Variants in NMT2 observed in about 807,000 individuals in gnomAD.
The protein encoded by NMT2 is glycylpeptide N-tetradecanoyltransferase 2.
A neutral mutation model predicts 65.4 loss-of-function variants in NMT2; 35 were observed. That is an observed-to-expected ratio of 0.54 (90% CI 0.41 to 0.71). The LOEUF (loss-of-function observed/expected upper bound fraction) is 0.71. Among genes scored for constraint, NMT2 ranks in the 30% least tolerant of loss-of-function variants. The probability of loss-of-function intolerance (pLI) is 0.00; values close to 1 mark genes in which losing one functional copy is unlikely to be tolerated. For synonymous variants in NMT2, 226 were observed against 231.8 expected (o/e 0.98, Z 0.23); for missense variants, 489 against 611.3 (o/e 0.80, Z 2.11).
At chr10:15,136,261 A>AAAGGG (rs1190998681) in intron 2 of NMT2, among the ~76,000 whole-genome samples, 12 of 144,592 alleles carry the variant, frequency 8.3e-5, no homozygotes, top group African/African-American at 2.3e-4. Context: ...AAGGGAAGGG[A>AAAGGG]AAGGGAAGGG....
At chr10:15,162,919 T>C (rs1209959541) in intron 1 of NMT2, among the ~76,000 whole-genome samples, 1 of 149,954 alleles carries the variant, frequency 6.7e-6, no homozygotes, top group Non-Finnish European at 1.5e-5. Flanking sequence ...TATATACATA[T>C]AAGAGAGAGA....
At chr10:15,168,098 G>A (rs1187412968) in intron 1 of NMT2, among the ~76,000 whole-genome samples, 1 of 152,180 alleles carries the variant, frequency 6.6e-6, no homozygotes, top group African/African-American at 2.4e-5. Context: ...GAGCAGAGGA[G>A]GGCGACCTCC....
intron 1 of NMT2, among the ~76,000 whole-genome samples, chr10:15,157,866 T>C (rs984541124): frequency 6.6e-5 from 10 of 152,246 alleles, no homozygotes; most frequent in African/African-American, 2.4e-4. Flanking sequence ...ATTACTCTTA[T>C]TGAGAGTCCA....
chr10:15,105,705 T>C (rs966539382), downstream of NMT2, among the ~76,000 whole-genome samples: 2 of 152,208 alleles, frequency 1.3e-5, no homozygotes, highest in Non-Finnish European at 2.9e-5. Context: ...CCTTATTGAA[T>C]AGAACATTTT....
intron 9 of NMT2, among the ~76,000 whole-genome samples, chr10:15,118,399 C>A (rs780153031): frequency 2.6e-5 from 4 of 152,112 alleles, no homozygotes; most frequent in African/African-American, 4.8e-5. Flanking sequence ...ATTAGCCGGG[C>A]ATGGTGGCGC....
In NMT2 at chr10:15,157,433, C is replaced by T. The variant is rs138425712; in HGVS notation, c.110+11070G>A. Among the ~76,000 whole-genome samples, 823 of 152,238 alleles carry T rather than the reference C, an allele frequency of 5.4e-3. 7 individuals are homozygous for T. Among genetic ancestry groups the T allele is most frequent in the Middle Eastern group, 0.017 (5 of 294 alleles). On this transcript the variant is annotated intron_variant, in intron 1 of 11. Coordinates refer to ENST00000378165, the MANE Select transcript of NMT2 (RefSeq NM_004808.3). ...GGTACCTCCCGGCAGCGCTTTCACC[C>T]AGGAGATGAAAAACCAGATTCCGTG... is the stretch of plus-strand genomic sequence containing the variant.
chr10:15,113,324 G>A (rs564409854), intron 9 of NMT2, among the ~76,000 whole-genome samples: 1 of 151,832 alleles, frequency 6.6e-6, no homozygotes, highest in East Asian at 1.9e-4. Context: ...TGAAAACTTA[G>A]CCAGGTGTGG....
Position 15,141,432 on chromosome 10 carries a change from T to A in NMT2, c.236A>T (p.Gln79Leu). ...AAACAGAGCTCTCACTTTCGAAGGC[T>A]GCTGAATTTTAATCTCCTGGGAATC... is the stretch of plus-strand genomic sequence containing the variant. ...ASDSQEIKIQ[Q>L]PSKNPSVPMQ... Residue 79 changes from glutamine (Q) to leucine (L), a missense_variant, in exon 2 of 12, where the codon CAG becomes CTG. By Grantham distance (113) the Gln-to-Leu change is moderately radical (BLOSUM62 -2). Coordinates refer to ENST00000378165, the MANE Select transcript of NMT2 (RefSeq NM_004808.3). The A allele has an allele frequency of 1.9e-6, 3 of 1,614,150 alleles. No individual in the cohort carries two copies. The highest frequency in any genetic ancestry group is 1.6e-4 in the Middle Eastern group (1 of 6,062).
At chr10:15,166,828 G>A (rs1225002824) in intron 1 of NMT2, among the ~76,000 whole-genome samples, 2 of 152,148 alleles carry the variant, frequency 1.3e-5, no homozygotes, top group East Asian at 3.8e-4. Context: ...AAGGTGTCGG[G>A]GGACAGGCTC....
rs1355456740 is a variant in NMT2, at chr10:15,136,441, G to A, written c.247-1023C>T. Among the ~76,000 whole-genome samples, 4 of 131,588 alleles carry A rather than the reference G, an allele frequency of 3.0e-5. No individual in the cohort carries two copies. In the East Asian group the frequency reaches 1.1e-3, roughly 36 times the overall value. The allele number at this position is 131,588 out of a possible 152,430, so 86.3% of individuals were successfully genotyped here. A position where few individuals can be genotyped will look rare whatever the true frequency, so the allele number is the denominator to read the frequency against. ...AGAGGGAGGAAGGAGGAAGGAGAGG[G>A]ACAGGGGGAGGAGGGAGGGAGAGAG... On this transcript the variant is annotated intron_variant, in intron 2 of 11. Transcript: ENST00000378165.
chr10:15,112,999 T>C, intron 9 of NMT2, 36 bp from the exon 10 acceptor site: 1 of 1,589,046 alleles, frequency 6.3e-7, no homozygotes, highest in Non-Finnish European at 8.6e-7. Context: ...GAGATCTCCT[T>C]GAACCAACTG....
chr10:15,126,428 TAAAA>T (rs542212016), intron 8 of NMT2, among the ~76,000 whole-genome samples: 19 of 130,540 alleles, frequency 1.5e-4, no homozygotes, highest in African/African-American at 2.3e-4. Flanking sequence ...GCCTCCATCT[TAAAA>T]AAAAAAAAAA....
chr10:15,152,053 T>C (rs547756243), intron 1 of NMT2, among the ~76,000 whole-genome samples: 70 of 152,106 alleles, frequency 4.6e-4, no homozygotes, highest in Middle Eastern at 6.8e-3. Context: ...AAAACAGAAG[T>C]TGTAATACTC....
intron 6 of NMT2, among the ~76,000 whole-genome samples, chr10:15,130,720 A>AAAAAAAAG (rs1846251576): frequency 6.7e-6 from 1 of 150,080 alleles, no homozygotes; most frequent in Admixed American, 6.6e-5. Flanking sequence ...AAAAAAAAAA[A>AAAAAAAAG]AAAAAAAGAA....
chr10:15,149,350 C>G (rs1156248515), intron 1 of NMT2, among the ~76,000 whole-genome samples: 1 of 152,164 alleles, frequency 6.6e-6, no homozygotes, highest in Non-Finnish European at 1.5e-5. Context: ...TCACCACCAT[C>G]ATCACCATTA....
chr10:15,141,384 G>C, intron 2 of NMT2, 38 bp downstream of exon 2: 1 of 1,611,618 alleles, frequency 6.2e-7, no homozygotes. Flanking sequence ...TCATGCACGA[G>C]AAACCACACA....
At chr10:15,112,619 C>T (rs572979100) in intron 10 of NMT2, among the ~76,000 whole-genome samples, 177 bp downstream of exon 10, 1 of 152,132 alleles carries the variant, frequency 6.6e-6, no homozygotes, top group South Asian at 2.1e-4. Flanking sequence ...TGAAAATAGC[C>T]TCTAAAGTTT....
At chr10:15,156,962 A>G (rs1833024121) in intron 1 of NMT2, among the ~76,000 whole-genome samples, 1 of 151,814 alleles carries the variant, frequency 6.6e-6, no homozygotes, top group Non-Finnish European at 1.5e-5. Flanking sequence ...CAAAATAAGC[A>G]CTCTGCTTTC....
chr10:15,156,702 G>C (rs1432527398), intron 1 of NMT2, among the ~76,000 whole-genome samples: 1 of 152,076 alleles, frequency 6.6e-6, no homozygotes, highest in Non-Finnish European at 1.5e-5. Flanking sequence ...TTTGAGACCA[G>C]CCTGACCAAC....
Sources: allele counts gnomAD v4.1 joint callset (sites outside exome capture counted in the v4.1 genomes callset), GRCh38; gene constraint gnomAD v4.1.1; transcripts MANE v1.5; gene names NCBI Gene and HGNC (gene_info 2026-07-23, HGNC 2026-07-21).